RAP1GAP2: variants seen among roughly 807,000 people sequenced by gnomAD.
RAP1GAP2 encodes the protein RAP1 GTPase activating protein 2.
Under a neutral mutation model 95.0 loss-of-function variants are expected in RAP1GAP2, and 27 were observed. That is an observed-to-expected ratio of 0.28 (90% confidence interval 0.21 to 0.39). The LOEUF (loss-of-function observed/expected upper bound fraction) is 0.39, where lower values mean the gene tolerates loss of function less well. RAP1GAP2 is among the 10% of genes least tolerant of loss of function. RAP1GAP2 has a pLI of 1.00. For synonymous variants in RAP1GAP2, 373 were observed against 380.9 expected (o/e 0.98, Z 0.24); for missense variants, 771 against 970.0 (o/e 0.79, Z 2.72).
intron 1 of RAP1GAP2, among the ~76,000 whole-genome samples, chr17:2,791,139 A>C (rs1037217905): frequency 6.6e-6 from 1 of 152,212 alleles, no homozygotes; most frequent in Non-Finnish European, 1.5e-5. Flanking sequence ...TGGGAGGCGG[A>C]GGTTGCAGTG....
chr17:2,918,556 G>T (rs1310247973), intron 3 of RAP1GAP2, among the ~76,000 whole-genome samples: 1 of 151,980 alleles, frequency 6.6e-6, no homozygotes, highest in Non-Finnish European at 1.5e-5. Flanking sequence ...ATTCATGGTG[G>T]AAGGTGAAGG....
intron 1 of RAP1GAP2, among the ~76,000 whole-genome samples, chr17:2,766,398 G>A (rs1224405148): frequency 6.6e-6 from 1 of 152,084 alleles, no homozygotes; most frequent in Non-Finnish European, 1.5e-5. Flanking sequence ...CAGCACTTTG[G>A]GAGGCCAGGT....
chr17:2,945,800 A>AT (rs1172014193), intron 3 of RAP1GAP2, among the ~76,000 whole-genome samples: 2 of 140,090 alleles, frequency 1.4e-5, no homozygotes, highest in Non-Finnish European at 3.1e-5. Flanking sequence ...TTTTATTATT[A>AT]TTTTTTTTGA....
rs2046419784 is a variant in RAP1GAP2 at position 3,008,903 on chromosome 17, T to G, written c.1494+758T>G. ...TTCACGAACACACGTGGGGACAGGA[T>G]GAGAGACGCCACAGGCCTGCTCAGG... On this transcript the variant is annotated intron_variant, in intron 17 of 24. Coordinates refer to ENST00000254695, the MANE Select transcript of RAP1GAP2 (RefSeq NM_015085.5). The surrounding 1 kb of genome is among the most constrained non-coding windows in gnomAD (Gnocchi z 4.2). Among the ~76,000 whole-genome samples, 1 of 152,128 alleles carries G rather than the reference T, an allele frequency of 6.6e-6. No homozygotes were observed. Among genetic ancestry groups the G allele is most frequent in the Admixed American group, 6.6e-5 (1 of 15,264 alleles).
intron 1 of RAP1GAP2, among the ~76,000 whole-genome samples, chr17:2,763,838 C>T (rs1029061980): frequency 6.6e-6 from 1 of 152,044 alleles, no homozygotes; most frequent in Non-Finnish European, 1.5e-5. Flanking sequence ...CTGTATTCCA[C>T]CAGTGGAAAG....
intron 17 of RAP1GAP2, among the ~76,000 whole-genome samples, chr17:3,010,336 CAAA>C (rs1179623628): frequency 0.02 from 1,424 of 70,292 alleles, 13 homozygotes; most frequent in East Asian, 0.06. Flanking sequence ...GAGACTGTCT[CAAA>C]AAAAAAAAAA....
At chr17:2,818,338 T>C (rs1048260863) in intron 2 of RAP1GAP2, among the ~76,000 whole-genome samples, 1 of 135,028 alleles carries the variant, frequency 7.4e-6, no homozygotes, top group East Asian at 2.1e-4. Context: ...TATTTATTTA[T>C]TTATTTTTGA....
intron 21 of RAP1GAP2, among the ~76,000 whole-genome samples, 156 bp downstream of exon 21, chr17:3,026,620 ACC>A (rs2047127116): frequency 6.6e-6 from 1 of 152,142 alleles, no homozygotes; most frequent in South Asian, 2.1e-4. Flanking sequence ...GGCCATCACC[ACC>A]CCCTGGGCGC....
At chr17:2,946,957 G>C (rs550984125) in intron 3 of RAP1GAP2, among the ~76,000 whole-genome samples, 2 of 152,174 alleles carry the variant, frequency 1.3e-5, no homozygotes, top group Non-Finnish European at 2.9e-5. Context: ...GTTTCTCCAT[G>C]TTGGTCAGGC....
chr17:2,806,468 C>T (rs939817785), intron 2 of RAP1GAP2, among the ~76,000 whole-genome samples: 19 of 151,182 alleles, frequency 1.3e-4, no homozygotes, highest in Admixed American at 1.2e-3. Flanking sequence ...TTTCGGCTCA[C>T]TGCAACCTCC....
chr17:2,759,384 G>C (rs1468878073), intron 1 of RAP1GAP2, among the ~76,000 whole-genome samples: 1 of 152,136 alleles, frequency 6.6e-6, no homozygotes, highest in East Asian at 1.9e-4. Flanking sequence ...AGGCTCAGGT[G>C]ATCCTTCCAC....
intron 1 of RAP1GAP2, among the ~76,000 whole-genome samples, chr17:2,782,698 T>C (rs2068686713): frequency 1.3e-5 from 2 of 152,130 alleles, no homozygotes; most frequent in African/African-American, 4.8e-5. Flanking sequence ...TCCCAGGGGA[T>C]AGTAGGTCCT....
chr17:2,894,456 C>T (rs2073820648), intron 2 of RAP1GAP2, among the ~76,000 whole-genome samples: 1 of 152,042 alleles, frequency 6.6e-6, no homozygotes, highest in Admixed American at 6.6e-5. Context: ...CCCCCTAAAA[C>T]CCCAAAGCCC....
At chr17:2,993,206 AG>A (rs2045829623) in intron 12 of RAP1GAP2, among the ~76,000 whole-genome samples, 2 of 149,100 alleles carry the variant, frequency 1.3e-5, no homozygotes, top group East Asian at 4.0e-4. Flanking sequence ...TGGTCAATAG[AG>A]GGAGACTCTG....
intron 2 of RAP1GAP2, among the ~76,000 whole-genome samples, chr17:2,805,665 A>G (rs1419192928): frequency 6.6e-6 from 1 of 151,940 alleles, no homozygotes; most frequent in African/African-American, 2.4e-5. Context: ...GAGCCACTGC[A>G]CCTGGCCAAA....
rs200846076 is a variant in RAP1GAP2, at chr17:3,008,127, G to C, written c.1476G>C (p.Gly492=). The change falls in exon 17 of 25, where the codon GGG becomes GGC. Residue 492 remains glycine (G), a synonymous_variant. Coordinates refer to ENST00000254695, the MANE Select transcript of RAP1GAP2 (RefSeq NM_015085.5). This position sits in a 1 kb window ranked among gnomAD's most constrained non-coding sequence, Gnocchi z 4.2. ...AGTTTGAGAATGGAGGCCACGGGGG[G>C]TTCCTGGAGTCTTTTAAGGTATGAG... The part of the protein sequence containing the change: ...EDKFENGGHG[G]FLESFKRAIR... 122 of 1,614,014 alleles carry C rather than the reference G, an allele frequency of 7.6e-5. No individual in the cohort carries two copies. In the African/African-American group the frequency reaches 1.3e-3, roughly 18 times the overall value.
intron 2 of RAP1GAP2, among the ~76,000 whole-genome samples, chr17:2,895,402 C>T (rs1352087175): frequency 1.3e-5 from 2 of 152,324 alleles, no homozygotes; most frequent in East Asian, 1.9e-4. Context: ...TCACTCTGCT[C>T]CTTTCCAGCA....
At chr17:2,829,657 C>T (rs987685675) in intron 2 of RAP1GAP2, among the ~76,000 whole-genome samples, 68 of 152,270 alleles carry the variant, frequency 4.5e-4, no homozygotes, top group African/African-American at 1.4e-3. Context: ...GCCCTATACT[C>T]CGTGCTCTGT....
chr17:2,833,348 G>GC (rs943825582), intron 2 of RAP1GAP2, among the ~76,000 whole-genome samples: 15 of 151,646 alleles, frequency 9.9e-5, no homozygotes, highest in African/African-American at 2.9e-4. Context: ...TGTTGGCCAG[G>GC]CTGGTCTTGA....
Sources: allele counts gnomAD v4.1 joint callset (sites outside exome capture counted in the v4.1 genomes callset), GRCh38; gene constraint gnomAD v4.1.1; non-coding constraint Gnocchi (gnomAD v3.1); transcripts MANE v1.5; gene names NCBI Gene and HGNC (gene_info 2026-07-23, HGNC 2026-07-21).